Variants in SLMAP observed in about 807,000 individuals in gnomAD.
SLMAP encodes the protein sarcolemma associated protein.
In SLMAP, 44 loss-of-function variants were observed where a neutral mutation model predicts 128.8. That is an observed-to-expected ratio of 0.34 (90% CI 0.27 to 0.44). The LOEUF is 0.44. Ranked by LOEUF, SLMAP falls within the 20% of genes least tolerant of loss-of-function variation. The pLI is 1.00. For synonymous variants in SLMAP, 327 were observed against 348.8 expected (o/e 0.94, Z 0.70); for missense variants, 787 against 985.3 (o/e 0.80, Z 2.69).
At chr3:57,802,339 A>AGGT (rs2088712090) in intron 2 of SLMAP, among the ~76,000 whole-genome samples, 1 of 151,452 alleles carries the variant, frequency 6.6e-6, no homozygotes, top group Non-Finnish European at 1.5e-5. Context: ...GTGCAGTGGC[A>AGGT]TGATCTCAGC....
chr3:57,807,982 TC>T lies in SLMAP; in HGVS notation c.199-23399del, dbSNP rs1171196255. Among the ~76,000 whole-genome samples the T allele has an allele frequency of 7.2e-5, 11 of 152,316 alleles. No individual in the cohort carries two copies. The East Asian group carries it at 1.9e-3, about 27-fold the overall frequency. The stretch of plus-strand genomic sequence containing the variant: ...TGGTCTATTCAGGGATTCAGCTTCT[TC>T]CTGGTTTAGTCTTGGGAGGGTGTAT... On this transcript the variant is annotated intron_variant, in intron 2 of 24. Coordinates refer to ENST00000671191, the MANE Select transcript of SLMAP (RefSeq NM_001377540.1).
chr3:57,885,933 A>G (rs1341806113), intron 14 of SLMAP, among the ~76,000 whole-genome samples: 1 of 141,574 alleles, frequency 7.1e-6, no homozygotes, highest in Non-Finnish European at 1.5e-5. Context: ...ACAGGCGTGC[A>G]TCACCATGCC....
At chr3:57,797,963 A>T (rs548951321) in intron 2 of SLMAP, among the ~76,000 whole-genome samples, 2 of 152,312 alleles carry the variant, frequency 1.3e-5, no homozygotes, top group South Asian at 4.1e-4. Flanking sequence ...TTTGGCAAGA[A>T]ATTTAGCTTC....
At chr3:57,785,905 T>C (rs549597681) in intron 2 of SLMAP, among the ~76,000 whole-genome samples, 30 of 152,346 alleles carry the variant, frequency 2.0e-4, no homozygotes, top group Admixed American at 2.0e-3. Context: ...TTGGAAAATA[T>C]AAGTACCTTT....
rs139170293 is a variant in SLMAP, at chr3:57,824,152, C to T, written c.199-7231C>T. ...AAAAAATATAATTCAGTAGAGAGTTCAATGGCAGATTTGAACAGGCAGAAG... is the reference window on the plus strand; with the variant it reads ...AAAAAATATAATTCAGTAGAGAGTTTAATGGCAGATTTGAACAGGCAGAAG... On this transcript the variant is annotated intron_variant, in intron 2 of 24. Transcript: ENST00000671191. Among the ~76,000 whole-genome samples the T allele has an allele frequency of 3.3e-5, 5 of 152,190 alleles. 1 individual carries two copies. In the East Asian group the frequency reaches 9.6e-4, roughly 29 times the overall value.
At chr3:57,851,823 CT>C (rs1013270011) in intron 6 of SLMAP, among the ~76,000 whole-genome samples, 1 of 151,966 alleles carries the variant, frequency 6.6e-6, no homozygotes, top group African/African-American at 2.4e-5. Context: ...ACTCAACCCA[CT>C]TTTGTGACCT....
At chr3:57,889,975 A>G (rs896415906) in intron 14 of SLMAP, 66 bp from the exon 15 acceptor site, 23 of 1,127,272 alleles carry the variant, frequency 2.0e-5, no homozygotes, top group African/African-American at 3.1e-5. Context: ...AATGTGTTAC[A>G]CTGCCCAGCT....
At chr3:57,793,698 T>A (rs2086031193) in intron 2 of SLMAP, among the ~76,000 whole-genome samples, 2 of 152,166 alleles carry the variant, frequency 1.3e-5, no homozygotes, top group Non-Finnish European at 2.9e-5. Context: ...CATATCTCCT[T>A]CAGTTTTATG....
At chr3:57,849,662 A>G in intron 5 of SLMAP, 92 bp from the exon 6 acceptor site, 1 of 729,540 alleles carries the variant, frequency 1.4e-6, no homozygotes, top group Non-Finnish European at 2.4e-6. Flanking sequence ...GTTATTTTGC[A>G]TATTTAAGTA....
At chr3:57,791,361 G>GAAA (rs554404526) in intron 2 of SLMAP, among the ~76,000 whole-genome samples, 2 of 139,524 alleles carry the variant, frequency 1.4e-5, no homozygotes, top group Admixed American at 1.4e-4. Context: ...ATCTCAAAAA[G>GAAA]AAAAAAAAAA....
At chr3:57,913,882 C>T (rs2096752598) in intron 21 of SLMAP, among the ~76,000 whole-genome samples, 1 of 151,692 alleles carries the variant, frequency 6.6e-6, no homozygotes, top group Admixed American at 6.6e-5. Context: ...TGCTTGGGCC[C>T]AGGAGGTCAA....
chr3:57,890,244 A>G (rs538293463), intron 15 of SLMAP, 144 bp downstream of exon 15: 20 of 612,548 alleles, frequency 3.3e-5, no homozygotes, highest in African/African-American at 1.1e-4. Context: ...ATCAGATAAT[A>G]TATAAAATAA....
chr3:57,780,531 T>C (rs1252438636), intron 2 of SLMAP, among the ~76,000 whole-genome samples: 1 of 152,238 alleles, frequency 6.6e-6, no homozygotes, highest in African/African-American at 2.4e-5. Flanking sequence ...TGAGGTGTTA[T>C]TAATCTTATA....
At position 57,916,549 on chromosome 3, in the gene SLMAP, T is replaced by G. The variant is rs1212237976; in HGVS notation, c.2139-357T>G. The stretch of plus-strand genomic sequence containing the variant: ...ATTCTATTTGTCAAGTATTTAAACT[T>G]AAAAGAAATTGTTGAAACATGTGTG... On this transcript the variant is annotated intron_variant, in intron 21 of 24. Coordinates refer to ENST00000671191, the MANE Select transcript of SLMAP (RefSeq NM_001377540.1). Among the ~76,000 whole-genome samples the G allele has an allele frequency of 2.0e-5, 3 of 152,220 alleles. No individual in the cohort carries two copies. In the South Asian group the frequency reaches 6.2e-4, roughly 31 times the overall value.
At chr3:57,780,401 T>C (rs1217405905) in intron 2 of SLMAP, among the ~76,000 whole-genome samples, 1 of 152,202 alleles carries the variant, frequency 6.6e-6, no homozygotes, top group African/African-American at 2.4e-5. Context: ...TGCCTTGGCC[T>C]CCCAAAGTGC....
At chr3:57,871,214 TTAAAG>T (rs1481840701) in intron 13 of SLMAP, among the ~76,000 whole-genome samples, 1 of 152,214 alleles carries the variant, frequency 6.6e-6, no homozygotes, top group African/African-American at 2.4e-5. Context: ...TATGATATTC[TTAAAG>T]TATTTACCTT....
chr3:57,777,996 C>G (rs901916064), intron 2 of SLMAP, among the ~76,000 whole-genome samples: 1 of 152,138 alleles, frequency 6.6e-6, no homozygotes, highest in Non-Finnish European at 1.5e-5. Flanking sequence ...GATGTATTAT[C>G]CCTTTTATAT....
intron 6 of SLMAP, among the ~76,000 whole-genome samples, chr3:57,853,355 G>A (rs575927186): frequency 5.6e-4 from 85 of 152,198 alleles, no homozygotes; most frequent in Admixed American, 1.8e-3. Flanking sequence ...AAAATTTTCC[G>A]TAGTCATTAT....
At chr3:57,868,817 TATATAAA>T (rs2095379822) in intron 13 of SLMAP, among the ~76,000 whole-genome samples, 1 of 113,002 alleles carries the variant, frequency 8.8e-6, no homozygotes, top group Non-Finnish European at 1.8e-5. Context: ...TATATATATA[TATATAAA>T]ATATATATAT....
Sources: allele counts gnomAD v4.1 joint callset (sites outside exome capture counted in the v4.1 genomes callset), GRCh38; gene constraint gnomAD v4.1.1; transcripts MANE v1.5; gene names NCBI Gene and HGNC (gene_info 2026-07-23, HGNC 2026-07-21).